NAA38: variants seen among roughly 807,000 people sequenced by gnomAD.
NAA38 encodes N-alpha-acetyltransferase 38, NatC auxiliary subunit.
In NAA38, 15 loss-of-function variants were observed where a neutral mutation model predicts 12.6. The ratio of observed to expected loss-of-function variants is 1.19; its 90% confidence interval spans 0.79 to 1.83. NAA38 has a LOEUF of 1.83. Among genes scored for constraint, NAA38 ranks in the 40% most tolerant of loss-of-function variants. NAA38 has a pLI of 0.00. For missense variants in NAA38, 183 were observed against 171.7 expected (o/e 1.07, Z -0.37); for synonymous variants, 88 against 69.9 (o/e 1.26, Z -1.29).
chr17:7,867,709 A>C (rs1236944041), intron 2 of NAA38, among the ~76,000 whole-genome samples: 1 of 152,238 alleles, frequency 6.6e-6, no homozygotes, highest in Non-Finnish European at 1.5e-5. Flanking sequence ...CAATGTCAAG[A>C]GAGAAGGAAA....
At chr17:7,859,184 G>A, upstream of NAA38, 1 of 605,004 alleles carries the variant, frequency 1.7e-6, no homozygotes, top group Non-Finnish European at 2.9e-6. Context: ...ATGGCCATCC[G>A]GTAGTTAGAA....
chr17:7,860,102 T>C (rs1226666845), upstream of NAA38: 1 of 174,986 alleles, frequency 5.7e-6, no homozygotes, highest in East Asian at 1.6e-4. Flanking sequence ...TGCGTCATTA[T>C]AGGCAATTCA....
upstream of NAA38, chr17:7,857,825 G>T: frequency 7.4e-7 from 1 of 1,349,994 alleles, no homozygotes. Context: ...CCAGGCCACT[G>T]AATTAAAACG....
upstream of NAA38, chr17:7,858,117 AC>A (rs2078847132): frequency 6.2e-6 from 10 of 1,612,654 alleles, no homozygotes; most frequent in Non-Finnish European, 8.5e-6. Context: ...AGATCCAGTG[AC>A]CGACAGAGCA....
intron 2 of NAA38, among the ~76,000 whole-genome samples, chr17:7,868,359 G>C (rs1438365996): frequency 1.3e-5 from 2 of 152,204 alleles, no homozygotes; most frequent in Admixed American, 6.5e-5. Context: ...CAAACAGCAG[G>C]TCATGGTGGC....
rs1049471486 is a variant in NAA38 at position 7,856,703 on chromosome 17, G to A, written c.*28C>T. The A allele has an allele frequency of 6.3e-7, 1 of 1,576,112 alleles. No individual in the cohort carries two copies. ...AGGCCCATTCGGTCATAAGTTTAATGAAGTCTGAAAGGTAAGCGCCATCGT... is the reference window on the plus strand; with the variant it reads ...AGGCCCATTCGGTCATAAGTTTAATAAAGTCTGAAAGGTAAGCGCCATCGT... On this transcript the variant is annotated 3_prime_UTR_variant, in exon 3 of 3. Transcript: ENST00000575771.
intron 1 of NAA38, chr17:7,884,850 T>A: frequency 1.1e-6 from 1 of 932,658 alleles, no homozygotes; most frequent in Non-Finnish European, 1.4e-6. Context: ...GAGGAGGAGA[T>A]GGTGGTGTCG....
chr17:7,860,320 T>A (rs567641697), upstream of NAA38: 3 of 152,272 alleles, frequency 2.0e-5, no homozygotes, highest in Non-Finnish European at 4.4e-5. Flanking sequence ...CCTAATTTTT[T>A]AATTTTTTGT....
intron 2 of NAA38, among the ~76,000 whole-genome samples, chr17:7,871,780 G>A (rs1446494993): frequency 6.6e-6 from 1 of 152,102 alleles, no homozygotes; most frequent in Non-Finnish European, 1.5e-5. Context: ...TCAGCTTTCC[G>A]AGTAGCTGGG....
At chr17:7,860,113 G>A (rs1295566590), upstream of NAA38, 1 of 172,196 alleles carries the variant, frequency 5.8e-6, no homozygotes, top group Non-Finnish European at 1.3e-5. Flanking sequence ...AGGCAATTCA[G>A]GCTAGATATT....
At chr17:7,877,719 TTATAAG>T (rs1283651564) in intron 2 of NAA38, among the ~76,000 whole-genome samples, 4 of 152,228 alleles carry the variant, frequency 2.6e-5, no homozygotes, top group African/African-American at 4.8e-5. Context: ...AACACTAAGT[TTATAAG>T]TATAACACAT....
upstream of NAA38, chr17:7,858,734 G>A (rs1205150472): frequency 1.2e-6 from 2 of 1,606,574 alleles, no homozygotes; most frequent in Non-Finnish European, 1.7e-6. Flanking sequence ...CCTGGTGGCA[G>A]GGGTCGTATT....
chr17:7,880,977 A>G (rs17807204), intron 2 of NAA38, among the ~76,000 whole-genome samples: 10,791 of 152,234 alleles, frequency 0.071, 706 homozygotes, highest in East Asian at 0.38. Flanking sequence ...AGCCCAGCCA[A>G]GTTAGTTAGG....
chr17:7,866,423 T>TA (rs923246698), intron 3 of NAA38: 3 of 1,199,328 alleles, frequency 2.5e-6, no homozygotes, highest in Non-Finnish European at 3.1e-6. Flanking sequence ...GGGGAACTTT[T>TA]AAAGTTCCCA....
intron 3 of NAA38, chr17:7,865,801 G>A (rs1478152884): frequency 1.3e-5 from 2 of 152,198 alleles, no homozygotes; most frequent in Non-Finnish European, 2.9e-5. Flanking sequence ...CTAGGGTGGA[G>A]TGGAGGGGTG....
At chr17:7,869,287 G>T (rs567617720) in intron 2 of NAA38, among the ~76,000 whole-genome samples, 9 of 152,230 alleles carry the variant, frequency 5.9e-5, no homozygotes, top group Non-Finnish European at 1.3e-4. Flanking sequence ...TAGTTATTAA[G>T]TGGCAGAGCT....
intron 1 of NAA38, among the ~76,000 whole-genome samples, chr17:7,884,527 AAG>A (rs1267176031): frequency 1.4e-5 from 2 of 141,218 alleles, no homozygotes; most frequent in Admixed American, 7.1e-5. Flanking sequence ...CTTGGGAGGA[AAG>A]AGAGAAGGAA....
At position 7,856,767 on chromosome 17, in the gene NAA38, C is replaced by G. The variant is rs200649241; in HGVS notation, c.342G>C (p.Val114=). The change falls in exon 3 of 3, where the codon GTG becomes GTC. Residue 114 remains valine, a synonymous_variant. Transcript: ENST00000575771. ...GAGGCCCGGTCAGACTCTCCCTCTG[C>G]ACCTCAATGGAAACGATGTGGTGTC... The part of the protein sequence containing the change: ...VPGHHIVSIE[V]QRESLTGPPY... 1.9e-6 allele frequency: 3 copies of G among 1,614,078 alleles called. No individual in the cohort carries two copies. Among genetic ancestry groups the G allele is most frequent in the Non-Finnish European group, 2.5e-6 (3 of 1,180,026 alleles).
chr17:7,864,346 A>G (rs970692813), intron 3 of NAA38: 6 of 152,240 alleles, frequency 3.9e-5, no homozygotes, highest in African/African-American at 1.2e-4. Context: ...GAATCCATCA[A>G]AGTGGGAATG....
Sources: allele counts gnomAD v4.1 joint callset (sites outside exome capture counted in the v4.1 genomes callset), GRCh38; gene constraint gnomAD v4.1.1; transcripts MANE v1.5; gene names NCBI Gene and HGNC (gene_info 2026-07-23, HGNC 2026-07-21).